LRMDA: variants seen among roughly 807,000 people sequenced by gnomAD.
LRMDA encodes the protein leucine-rich melanocyte differentiation-associated protein.
A neutral mutation model predicts 29.8 loss-of-function variants in LRMDA; 18 were observed. The observed-to-expected ratio is 0.60, with a 90% CI of 0.42 to 0.90. The LOEUF (loss-of-function observed/expected upper bound fraction) is 0.90, where lower values mean the gene tolerates loss of function less well. Among genes scored for constraint, LRMDA ranks in the 40% least tolerant of loss-of-function variants. LRMDA has a pLI of 0.00. For synonymous variants in LRMDA, 125 were observed against 109.4 expected, an observed-to-expected ratio of 1.14 and a Z score of -0.89; for missense variants, 273 against 273.9, an observed-to-expected ratio of 1.00 and a Z score of 0.02.
In LRMDA at chr10:75,925,302, A is replaced by G. The variant is rs1249617500; in HGVS notation, c.132-110706A>G. Among the ~76,000 whole-genome samples, 3 of 152,208 alleles carry G rather than the reference A, an allele frequency of 2.0e-5. No homozygotes were observed. The East Asian group carries it at 5.8e-4, about 29-fold the overall frequency. Reference sequence around the variant, plus strand: ...GGTGAGGTTAATTTGGTCATCTTGCAGGGGCCTGGCTGGTAATGAACATTT... The same window carrying G: ...GGTGAGGTTAATTTGGTCATCTTGCGGGGGCCTGGCTGGTAATGAACATTT... On this transcript the variant is annotated intron_variant, in intron 2 of 6. Transcript: ENST00000611255.
At chr10:76,058,967 G>A (rs1848661544) in intron 5 of LRMDA, among the ~76,000 whole-genome samples, 184 bp downstream of exon 5, 3 of 152,156 alleles carry the variant, frequency 2.0e-5, no homozygotes, top group Admixed American at 2.0e-4. Flanking sequence ...GGATCTTCCT[G>A]TTTTACCAAT....
intron 5 of LRMDA, among the ~76,000 whole-genome samples, chr10:76,314,470 A>G (rs922678644): frequency 2.0e-5 from 3 of 152,228 alleles, no homozygotes; most frequent in Non-Finnish European, 2.9e-5. Context: ...TCTCACTTGC[A>G]GCATTTGCCA....
At chr10:76,474,822 A>T (rs1337151673) in intron 6 of LRMDA, among the ~76,000 whole-genome samples, 1 of 151,732 alleles carries the variant, frequency 6.6e-6, no homozygotes, top group East Asian at 1.9e-4. Context: ...GTTTCTTAAA[A>T]GGTTAAATAT....
chr10:76,548,766 T>C (rs1484221797), intron 6 of LRMDA, among the ~76,000 whole-genome samples: 1 of 152,218 alleles, frequency 6.6e-6, no homozygotes, highest in Non-Finnish European at 1.5e-5. Flanking sequence ...TTAAAAGGCA[T>C]TGACATCTAA....
At chr10:76,199,549 G>T (rs1439244159) in intron 5 of LRMDA, among the ~76,000 whole-genome samples, 3 of 152,144 alleles carry the variant, frequency 2.0e-5, no homozygotes, top group South Asian at 2.1e-4. Context: ...TATGTGCTAC[G>T]TGGAGACCAT....
chr10:76,083,913 A>C (rs2132082209), intron 5 of LRMDA, among the ~76,000 whole-genome samples: 1 of 151,484 alleles, frequency 6.6e-6, no homozygotes, highest in Admixed American at 6.6e-5. Context: ...TTTGTTTCCC[A>C]AGCTCATTTG....
intron 6 of LRMDA, among the ~76,000 whole-genome samples, chr10:76,363,178 G>GAAAGA (rs1564520675): frequency 0.034 from 416 of 12,202 alleles, 23 homozygotes; most frequent in Middle Eastern, 0.083. Flanking sequence ...AGAAAGAAAG[G>GAAAGA]AGGGAGGGAG....
intron 2 of LRMDA, among the ~76,000 whole-genome samples, chr10:75,654,221 T>C (rs1023630324): frequency 6.6e-6 from 1 of 152,248 alleles, no homozygotes; most frequent in Non-Finnish European, 1.5e-5. Context: ...AGTTCTTGGC[T>C]CTATCACTTA....
In LRMDA at chr10:75,816,958, A is replaced by T. The variant is rs75529472; in HGVS notation, c.132-219050A>T. On this transcript the variant is annotated intron_variant, in intron 2 of 6. Transcript: ENST00000611255. Reference sequence around the variant, plus strand: ...ATAGTACCTGAGCTTATGGATCTTCAGTTCAAATAACCATGAAAAAGTGAT... The same window carrying T: ...ATAGTACCTGAGCTTATGGATCTTCTGTTCAAATAACCATGAAAAAGTGAT... 1.4e-4 allele frequency among the ~76,000 whole-genome samples: 22 copies of T among 152,360 alleles called. No individual in the cohort carries two copies. The East Asian group carries it at 4.2e-3, about 29-fold the overall frequency.
intron 2 of LRMDA, among the ~76,000 whole-genome samples, chr10:75,829,179 C>G (rs1218599324): frequency 6.6e-6 from 1 of 152,110 alleles, no homozygotes; most frequent in Non-Finnish European, 1.5e-5. Flanking sequence ...AGATGATGTT[C>G]CAGAAGAATC....
intron 2 of LRMDA, among the ~76,000 whole-genome samples, chr10:75,698,268 C>T (rs1202161006): frequency 1.3e-5 from 2 of 152,132 alleles, no homozygotes; most frequent in East Asian, 1.9e-4. Flanking sequence ...AGCTCCGACC[C>T]CTACTCTCTG....
chr10:75,885,748 C>G (rs11001535), intron 2 of LRMDA, among the ~76,000 whole-genome samples: 59,487 of 152,140 alleles, frequency 0.39, 13,545 homozygotes, highest in South Asian at 0.51. Flanking sequence ...TGAAGTATTA[C>G]AGAATTTCAG....
At chr10:76,488,704 A>G (rs1411797212) in intron 6 of LRMDA, among the ~76,000 whole-genome samples, 6 of 151,906 alleles carry the variant, frequency 3.9e-5, no homozygotes, top group Non-Finnish European at 7.4e-5. Context: ...AAGGAACTGT[A>G]CCATTTTACA....
At chr10:75,656,667 C>T (rs1336972538) in intron 2 of LRMDA, among the ~76,000 whole-genome samples, 1 of 152,112 alleles carries the variant, frequency 6.6e-6, no homozygotes, top group African/African-American at 2.4e-5. Context: ...ATGATGATGC[C>T]TTTTCTACAC....
intron 2 of LRMDA, among the ~76,000 whole-genome samples, chr10:75,770,142 T>C (rs752635852): frequency 9.9e-5 from 15 of 151,858 alleles, no homozygotes; most frequent in Non-Finnish European, 2.1e-4. Flanking sequence ...AATAAAAAAA[T>C]TAGCTGGACA....
At chr10:75,700,243 A>C (rs1199260892) in intron 2 of LRMDA, among the ~76,000 whole-genome samples, 1 of 147,882 alleles carries the variant, frequency 6.8e-6, no homozygotes, top group Non-Finnish European at 1.5e-5. Context: ...ATTAGAATTA[A>C]ACCTTTGTGT....
intron 2 of LRMDA, among the ~76,000 whole-genome samples, chr10:75,898,533 CCTG>C (rs1845620493): frequency 6.6e-6 from 1 of 152,074 alleles, no homozygotes; most frequent in African/African-American, 2.4e-5. Context: ...CAGTGCTTTG[CCTG>C]CCGGGAAAGC....
chr10:76,197,081 G>T (rs1851343258), intron 5 of LRMDA, among the ~76,000 whole-genome samples: 1 of 152,120 alleles, frequency 6.6e-6, no homozygotes, highest in Admixed American at 6.5e-5. Flanking sequence ...GAAGACACCT[G>T]GTATATGTTT....
chr10:75,923,038 A>T (rs1352101798), intron 2 of LRMDA, among the ~76,000 whole-genome samples: 2 of 152,168 alleles, frequency 1.3e-5, no homozygotes. Flanking sequence ...AGGTTAAGTG[A>T]CTTTCCTAAG....
Sources: gnomAD v4.1 joint callset for allele counts (sites outside exome capture counted in the v4.1 genomes callset) on GRCh38, gnomAD v4.1.1 for gene constraint, MANE v1.5 for transcripts, NCBI Gene and HGNC (gene_info 2026-07-23, HGNC 2026-07-21) for gene names.